Variants in DACH1 observed in about 807,000 individuals in gnomAD.
DACH1 encodes dachshund homolog 1.
DACH1 carries 12 observed loss-of-function variants against 54.2 expected under a neutral mutation model. The observed-to-expected ratio is 0.22, with a 90% CI of 0.14 to 0.36. The LOEUF is 0.36. Ranked by LOEUF, DACH1 falls within the 10% of genes least tolerant of loss-of-function variation. The pLI is 1.00. For synonymous variants in DACH1, 386 were observed against 366.2 expected, an observed-to-expected ratio of 1.05 and a Z score of -0.62; for missense variants, 805 against 929.8, an observed-to-expected ratio of 0.87 and a Z score of 1.75.
chr13:71,724,645 A>G (rs1006056480), intron 1 of DACH1, among the ~76,000 whole-genome samples: 1 of 152,158 alleles, frequency 6.6e-6, no homozygotes, highest in African/African-American at 2.4e-5. Flanking sequence ...ATAAAGTATT[A>G]CTTATATCAA....
At chr13:71,719,241 A>G (rs1594133753) in intron 1 of DACH1, among the ~76,000 whole-genome samples, 1 of 152,214 alleles carries the variant, frequency 6.6e-6, no homozygotes, top group East Asian at 1.9e-4. Flanking sequence ...GCTATTTCTT[A>G]AGTACAAAAG....
intron 1 of DACH1, among the ~76,000 whole-genome samples, chr13:71,799,852 C>G (rs1338246305): frequency 6.6e-6 from 1 of 152,136 alleles, no homozygotes. Context: ...AATGAGGAAT[C>G]ATTATATCTC....
intron 1 of DACH1, among the ~76,000 whole-genome samples, chr13:71,694,121 C>T (rs1308498471): frequency 6.6e-6 from 1 of 152,164 alleles, no homozygotes; most frequent in Admixed American, 6.5e-5. Flanking sequence ...CATGTTTTCA[C>T]CCTTCACTGA....
chr13:71,611,728 T>G (rs1875343864), intron 3 of DACH1, among the ~76,000 whole-genome samples: 1 of 152,182 alleles, frequency 6.6e-6, no homozygotes. Context: ...GTAGTCAACT[T>G]TTGTAATATA....
chr13:71,743,139 T>C (rs562111853), intron 1 of DACH1, among the ~76,000 whole-genome samples: 1 of 152,240 alleles, frequency 6.6e-6, no homozygotes, highest in South Asian at 2.1e-4. Context: ...CAAGGCTGTA[T>C]AATACACTTA....
chr13:71,764,908 T>C (rs956044076), intron 1 of DACH1, among the ~76,000 whole-genome samples: 2 of 152,198 alleles, frequency 1.3e-5, no homozygotes, highest in African/African-American at 4.8e-5. Flanking sequence ...TCTTTTTACA[T>C]TTTAACCATG....
At chr13:71,642,736 T>A in intron 2 of DACH1, among the ~76,000 whole-genome samples, 1 of 151,946 alleles carries the variant, frequency 6.6e-6, no homozygotes, top group Admixed American at 6.6e-5. Context: ...AATTACTAAC[T>A]CAGGCCGGGC....
intron 1 of DACH1, among the ~76,000 whole-genome samples, chr13:71,692,044 CACAG>C (rs1566436101): frequency 1.3e-5 from 2 of 150,444 alleles, no homozygotes; most frequent in African/African-American, 4.9e-5. Context: ...CACACACACA[CACAG>C]ACACACACAT....
intron 7 of DACH1, among the ~76,000 whole-genome samples, chr13:71,485,316 A>G (rs1339490282): frequency 6.6e-6 from 1 of 151,530 alleles, no homozygotes; most frequent in Non-Finnish European, 1.5e-5. Context: ...CTGTATCCAT[A>G]TTCTTCACTA....
chr13:71,445,095 G>A (rs1874332718), intron 10 of DACH1, among the ~76,000 whole-genome samples: 1 of 152,104 alleles, frequency 6.6e-6, no homozygotes. Context: ...CGTGGAAGAG[G>A]CAGCTGCCTC....
At chr13:71,469,780 C>G (rs767228095) in intron 10 of DACH1, among the ~76,000 whole-genome samples, 2 of 151,934 alleles carry the variant, frequency 1.3e-5, no homozygotes, top group Non-Finnish European at 2.9e-5. Context: ...GTTTAGCAAA[C>G]AGAAAGAAGA....
chr13:71,654,330 C>T (rs973284518), intron 2 of DACH1, among the ~76,000 whole-genome samples: 1 of 149,898 alleles, frequency 6.7e-6, no homozygotes, highest in East Asian at 2.0e-4. Flanking sequence ...ATGGAGGTTG[C>T]AGTGAGCCGA....
At chr13:71,680,366 C>T (rs1409324352) in intron 2 of DACH1, among the ~76,000 whole-genome samples, 2 of 152,032 alleles carry the variant, frequency 1.3e-5, no homozygotes, top group African/African-American at 4.8e-5. Context: ...CTTTGGAAGG[C>T]CAAGGCAGAT....
At chr13:71,783,796 GA>G (rs1165009534) in intron 1 of DACH1, among the ~76,000 whole-genome samples, 1 of 150,104 alleles carries the variant, frequency 6.7e-6, no homozygotes, top group African/African-American at 2.4e-5. Flanking sequence ...AGAATGAATG[GA>G]AAAAAACATA....
At chr13:71,794,228 C>T (rs1886949636) in intron 1 of DACH1, among the ~76,000 whole-genome samples, 1 of 152,120 alleles carries the variant, frequency 6.6e-6, no homozygotes, top group African/African-American at 2.4e-5. Context: ...TTCAATAAGT[C>T]AGATTCCTGT....
At chr13:71,779,195 ACGTATATATG>A (rs1207026436) in intron 1 of DACH1, among the ~76,000 whole-genome samples, 4,137 of 126,286 alleles carry the variant, frequency 0.033, 177 homozygotes, top group African/African-American at 0.094. Context: ...ATACGTATAT[ACGTATATATG>A]TGTATATATA....
chr13:71,566,541 C>T (rs1478741457), intron 4 of DACH1, among the ~76,000 whole-genome samples: 1 of 152,066 alleles, frequency 6.6e-6, no homozygotes, highest in African/African-American at 2.4e-5. Context: ...TGATCCCTTC[C>T]ATGTATTTAT....
At chr13:71,743,572 G>A (rs572950493) in intron 1 of DACH1, among the ~76,000 whole-genome samples, 5 of 152,290 alleles carry the variant, frequency 3.3e-5, no homozygotes, top group Admixed American at 1.3e-4. Flanking sequence ...AAAGTCTCTT[G>A]AACTGATAAA....
intron 3 of DACH1, among the ~76,000 whole-genome samples, chr13:71,585,809 T>C (rs886549089): frequency 6.6e-6 from 1 of 152,130 alleles, no homozygotes; most frequent in African/African-American, 2.4e-5. Context: ...TCAGGAATAA[T>C]CATCCTGAGT....
Sources: gnomAD v4.1 joint callset for allele counts (sites outside exome capture counted in the v4.1 genomes callset) on GRCh38, gnomAD v4.1.1 for gene constraint, MANE v1.5 for transcripts, NCBI Gene and HGNC (gene_info 2026-07-23, HGNC 2026-07-21) for gene names.